Variants in TMTC1 observed in about 807,000 individuals in gnomAD.
The protein encoded by TMTC1 is transmembrane O-mannosyltransferase targeting cadherins 1.
A neutral mutation model predicts 104.8 loss-of-function variants in TMTC1; 73 were observed. That is an observed-to-expected ratio of 0.70 (90% CI 0.58 to 0.85). TMTC1 has a LOEUF of 0.85. TMTC1 is among the 40% of genes least tolerant of loss of function. TMTC1 has a pLI of 0.00. For missense variants in TMTC1, 1,035 were observed against 1,096.1 expected, an observed-to-expected ratio of 0.94 and a Z score of 0.79; for synonymous variants, 434 against 428.7, an observed-to-expected ratio of 1.01 and a Z score of -0.15.
At position 29,699,531 on chromosome 12, in the gene TMTC1, G is replaced by A. The variant is rs950445806; in HGVS notation, c.938+52135C>T. Among the ~76,000 whole-genome samples the A allele has an allele frequency of 7.2e-5, 11 of 151,768 alleles. No homozygotes were observed. The South Asian group carries it at 8.3e-4, about 11-fold the overall frequency. The stretch of plus-strand genomic sequence containing the variant: ...CCAAATGTAATTGATACAAATTAGC[G>A]ACATGTAACCTATTGCACATAAGAT... On this transcript the variant is annotated intron_variant, in intron 5 of 17. Coordinates refer to ENST00000539277, the MANE Select transcript of TMTC1 (RefSeq NM_001193451.2).
At chr12:29,567,365 A>G (rs768170270) in intron 9 of TMTC1, among the ~76,000 whole-genome samples, 2 of 152,228 alleles carry the variant, frequency 1.3e-5, no homozygotes, top group African/African-American at 2.4e-5. Flanking sequence ...AATTCAGCTC[A>G]TAAGTATGGC....
intron 5 of TMTC1, among the ~76,000 whole-genome samples, chr12:29,634,214 T>A (rs73073457): frequency 0.3 from 44,822 of 151,916 alleles, 8,037 homozygotes; most frequent in Admixed American, 0.44. Flanking sequence ...CCTTTTTTTT[T>A]AAACAGCATT....
At chr12:29,683,555 G>A (rs1383521932) in intron 5 of TMTC1, among the ~76,000 whole-genome samples, 5 of 152,164 alleles carry the variant, frequency 3.3e-5, no homozygotes, top group African/African-American at 9.7e-5. Context: ...CAAGGGACCC[G>A]CAGTCAATTG....
intron 7 of TMTC1, among the ~76,000 whole-genome samples, chr12:29,595,330 C>T (rs1429786169): frequency 6.6e-6 from 1 of 152,218 alleles, no homozygotes; most frequent in Non-Finnish European, 1.5e-5. Context: ...AGTGGATCTC[C>T]AGCCCACAGG....
At chr12:29,668,706 C>T (rs1485494832) in intron 5 of TMTC1, among the ~76,000 whole-genome samples, 2 of 152,096 alleles carry the variant, frequency 1.3e-5, no homozygotes, top group Admixed American at 1.3e-4. Context: ...GGTGATCCAC[C>T]CACCTTGGCC....
chr12:29,580,909 C>T lies in TMTC1; in HGVS notation c.1418+2498G>A, dbSNP rs1038716131. On this transcript the variant is annotated intron_variant, in intron 8 of 17. Transcript: ENST00000539277. The stretch of plus-strand genomic sequence containing the variant: ...GCTCCTCTATGCACATTCTCTCTCT[C>T]TCATCCTAGAACACACTGCACAGTA... 2.0e-5 allele frequency among the ~76,000 whole-genome samples: 3 copies of T among 152,192 alleles called. No homozygotes were observed. The East Asian group carries it at 5.8e-4, about 29-fold the overall frequency.
At chr12:29,697,130 G>A (rs1397412518) in intron 5 of TMTC1, among the ~76,000 whole-genome samples, 7 of 152,098 alleles carry the variant, frequency 4.6e-5, no homozygotes, top group East Asian at 1.9e-4. Flanking sequence ...ATATGTATTC[G>A]TCAAGTGAAT....
chr12:29,644,149 G>GTGTATATA (rs1174156187), intron 5 of TMTC1, among the ~76,000 whole-genome samples: 39 of 49,382 alleles, frequency 7.9e-4, no homozygotes, highest in African/African-American at 2.9e-3. Context: ...GTGTGTGTGT[G>GTGTATATA]TATATATATA....
chr12:29,516,742 T>G lies in TMTC1; in HGVS notation c.2170-256A>C, dbSNP rs180982497. Among the ~76,000 whole-genome samples the G allele has an allele frequency of 2.0e-4, 31 of 152,296 alleles. No homozygotes were observed. The East Asian group carries it at 5.6e-3, about 27-fold the overall frequency. ...ATCCAGTGAAATGGCTTGTGGCTTT[T>G]AAAAAAGGTTGACCAAATAAGTCAG... On this transcript the variant is annotated intron_variant, in intron 14 of 17. Coordinates refer to ENST00000539277, the MANE Select transcript of TMTC1 (RefSeq NM_001193451.2).
chr12:29,686,234 GCTC>G (rs1941089692), intron 5 of TMTC1, among the ~76,000 whole-genome samples: 1 of 152,142 alleles, frequency 6.6e-6, no homozygotes, highest in Non-Finnish European at 1.5e-5. Context: ...CCCTTCTGCA[GCTC>G]TTCTGTGGCT....
rs545111647 is a variant in TMTC1 at position 29,696,914 on chromosome 12, T to C, written c.938+54752A>G. Reference sequence around the variant, plus strand: ...AACATAGAAGGAATATTATTCTTATTAGATGAAACATGAAATAAAAGGATA... The same window carrying C: ...AACATAGAAGGAATATTATTCTTATCAGATGAAACATGAAATAAAAGGATA... On this transcript the variant is annotated intron_variant, in intron 5 of 17. Transcript: ENST00000539277. Among the ~76,000 whole-genome samples the C allele has an allele frequency of 1.2e-4, 19 of 152,308 alleles. No individual in the cohort carries two copies. In the South Asian group the frequency reaches 3.9e-3, roughly 32 times the overall value.
At chr12:29,669,268 T>C (rs2033035) in intron 5 of TMTC1, among the ~76,000 whole-genome samples, 84,382 of 152,070 alleles carry the variant, frequency 0.55, 23,638 homozygotes, top group African/African-American at 0.63. Flanking sequence ...CTAATACTGG[T>C]ACAGTGGTGA....
intron 1 of TMTC1, among the ~76,000 whole-genome samples, chr12:29,773,137 T>A (rs896713259): frequency 1.3e-5 from 2 of 152,122 alleles, no homozygotes; most frequent in Non-Finnish European, 2.9e-5. Context: ...TGAACCCAAA[T>A]CGCCCCTTCT....
chr12:29,516,405 G>A lies in TMTC1; in HGVS notation c.2251C>T (p.Leu751Phe), dbSNP rs1303418344. Residue 751 changes from leucine to phenylalanine, a missense_variant, in exon 15 of 18, where the codon CTT becomes TTT. Physicochemically the swap from Leu to Phe is conservative, Grantham distance 22 (BLOSUM62 0). Coordinates refer to ENST00000539277, the MANE Select transcript of TMTC1 (RefSeq NM_001193451.2). ...NHIVSEETGC[L>F]ECYRLLSAIY... The stretch of plus-strand genomic sequence containing the variant: ...GCTGACAAGAGGCGATAGCATTCAA[G>A]GCATCCGGTCTCCTCTGACACAATG... 3.1e-6 allele frequency: 5 copies of A among 1,613,908 alleles called. No homozygotes were observed. In the African/African-American group the frequency reaches 5.3e-5, roughly 17 times the overall value.
chr12:29,666,743 T>C (rs1312025849), intron 5 of TMTC1, among the ~76,000 whole-genome samples: 1 of 152,174 alleles, frequency 6.6e-6, no homozygotes, highest in African/African-American at 2.4e-5. Flanking sequence ...TCAGAATCTA[T>C]AAACACCTGA....
At chr12:29,539,944 A>G (rs528981756) in intron 10 of TMTC1, among the ~76,000 whole-genome samples, 1 of 151,992 alleles carries the variant, frequency 6.6e-6, no homozygotes, top group African/African-American at 2.4e-5. Flanking sequence ...TTCCTATTCA[A>G]CTCTGGTTCC....
At chr12:29,693,171 C>T (rs1361555054) in intron 5 of TMTC1, among the ~76,000 whole-genome samples, 1 of 144,718 alleles carries the variant, frequency 6.9e-6, no homozygotes, top group Non-Finnish European at 1.5e-5. Flanking sequence ...TATTTAAATA[C>T]ATACGATGTG....
chr12:29,553,541 C>T (rs1207284851), intron 10 of TMTC1, among the ~76,000 whole-genome samples: 1 of 151,920 alleles, frequency 6.6e-6, no homozygotes, highest in East Asian at 1.9e-4. Flanking sequence ...CTCTTCTTTC[C>T]TATTCACTGT....
chr12:29,575,693 AC>A (rs1229032203), intron 8 of TMTC1, among the ~76,000 whole-genome samples: 1 of 152,150 alleles, frequency 6.6e-6, no homozygotes, highest in Admixed American at 6.5e-5. Flanking sequence ...TTTAAAACGC[AC>A]CACAGTGAAC....
Sources: allele counts gnomAD v4.1 joint callset (sites outside exome capture counted in the v4.1 genomes callset), GRCh38; gene constraint gnomAD v4.1.1; transcripts MANE v1.5; gene names NCBI Gene and HGNC (gene_info 2026-07-23, HGNC 2026-07-21).